Variants in NEDD4 observed in about 807,000 individuals in gnomAD.
The protein encoded by NEDD4 is NEDD4 E3 ubiquitin protein ligase, also known as E3 ubiquitin-protein ligase NEDD4.
Under a neutral mutation model 144.9 loss-of-function variants are expected in NEDD4, and 99 were observed. That is an observed-to-expected ratio of 0.68 (90% CI 0.58 to 0.81). NEDD4 has a LOEUF of 0.81. NEDD4 is among the 30% of genes least tolerant of loss of function. The pLI is 0.00. For synonymous variants in NEDD4, 318 were observed against 350.6 expected, an observed-to-expected ratio of 0.91 and a Z score of 1.04; for missense variants, 985 against 1,065.9, an observed-to-expected ratio of 0.92 and a Z score of 1.06.
Position 55,829,247 on chromosome 15 carries a change from G to A in NEDD4, c.*650C>T, listed in dbSNP as rs2032829139. 1 of 152,138 alleles carries A rather than the reference G, an allele frequency of 6.6e-6. No individual in the cohort carries two copies. The highest frequency in any genetic ancestry group is 2.1e-4 in the South Asian group (1 of 4,826). The allele number at this position is 152,138 out of a possible 1,614,324, so 9.4% of individuals were successfully genotyped here. On this transcript the variant is annotated 3_prime_UTR_variant, in exon 29 of 29. Transcript: ENST00000435532. ...TTAGTAAAACTGCATATTAACAAAA[G>A]CCAAATACTTCGAAAGTGAAGAAGT...
At chr15:55,974,895 T>TTC (rs1282658067) in intron 1 of NEDD4, among the ~76,000 whole-genome samples, 1 of 120,636 alleles carries the variant, frequency 8.3e-6, no homozygotes, top group Non-Finnish European at 1.7e-5. Context: ...TCCTTTCTTT[T>TTC]TTTTTTTTTT....
chr15:55,848,668 C>T (rs2033851472), intron 15 of NEDD4, 93 bp from the exon 16 acceptor site: 11 of 1,270,868 alleles, frequency 8.7e-6, no homozygotes, highest in South Asian at 8.6e-5. Context: ...ATTTAACTTG[C>T]ATATTCCATT....
intron 12 of NEDD4, 78 bp downstream of exon 12, chr15:55,856,051 TCA>T: frequency 7.9e-7 from 1 of 1,265,018 alleles, no homozygotes; most frequent in Non-Finnish European, 1.1e-6. Flanking sequence ...AGGCAAACGT[TCA>T]CACTCAATCT....
intron 5 of NEDD4, among the ~76,000 whole-genome samples, chr15:55,913,474 T>C (rs1297412375): frequency 7.9e-5 from 12 of 152,072 alleles, no homozygotes; most frequent in Non-Finnish European, 1.2e-4. Context: ...ATAAATTAAA[T>C]TTAACTGTCA....
At chr15:55,958,591 C>T (rs2037376179) in intron 2 of NEDD4, among the ~76,000 whole-genome samples, 1 of 151,870 alleles carries the variant, frequency 6.6e-6, no homozygotes, top group Admixed American at 6.6e-5. Flanking sequence ...ATAGCTGCAT[C>T]CAGTGATATC....
chr15:55,865,263 G>A (rs766793732), intron 8 of NEDD4, among the ~76,000 whole-genome samples: 24 of 151,302 alleles, frequency 1.6e-4, no homozygotes, highest in Non-Finnish European at 3.1e-4. Context: ...GAAATCTGTG[G>A]CAAAATACGC....
At chr15:55,864,077 G>C (rs2034501981) in intron 8 of NEDD4, among the ~76,000 whole-genome samples, 1 of 152,158 alleles carries the variant, frequency 6.6e-6, no homozygotes, top group Admixed American at 6.5e-5. Flanking sequence ...TAAAGCCTTA[G>C]GGCAGTTAAA....
At chr15:55,983,813 G>A (rs1267452759) in intron 1 of NEDD4, among the ~76,000 whole-genome samples, 1 of 151,970 alleles carries the variant, frequency 6.6e-6, no homozygotes, top group African/African-American at 2.4e-5. Flanking sequence ...GTTTCACCAT[G>A]TTGGCCAGGC....
intron 1 of NEDD4, among the ~76,000 whole-genome samples, chr15:55,985,129 G>T (rs1010774760): frequency 3.9e-5 from 6 of 152,150 alleles, no homozygotes; most frequent in Non-Finnish European, 8.8e-5. Flanking sequence ...CTATACCCCT[G>T]CTCACCCTAA....
chr15:55,949,376 T>A (rs1429810185), intron 4 of NEDD4, among the ~76,000 whole-genome samples: 3 of 152,192 alleles, frequency 2.0e-5, no homozygotes, highest in African/African-American at 7.2e-5. Context: ...GTTCAACCAT[T>A]GTGGAAGACA....
intron 6 of NEDD4, 62 bp downstream of exon 6, chr15:55,873,892 ATATG>A (rs1250247286): frequency 2.9e-6 from 2 of 697,462 alleles, no homozygotes; most frequent in African/African-American, 3.6e-5. Flanking sequence ...GCTATATTAT[ATATG>A]TAAGTATTTA....
At chr15:55,876,364 T>C (rs2034993176) in intron 5 of NEDD4, among the ~76,000 whole-genome samples, 1 of 151,506 alleles carries the variant, frequency 6.6e-6, no homozygotes, top group Non-Finnish European at 1.5e-5. Context: ...TTTTTTTTTT[T>C]AAGGTACCTT....
chr15:55,944,462 A>G (rs2142284046), intron 4 of NEDD4, among the ~76,000 whole-genome samples: 1 of 152,304 alleles, frequency 6.6e-6, no homozygotes, highest in East Asian at 1.9e-4. Flanking sequence ...CTGAGGCTTG[A>G]GTAGGTAAAC....
In NEDD4 at chr15:55,860,448, T is replaced by C. The variant is rs2142032733; in HGVS notation, c.919A>G (p.Ile307Val). ...TGGCTCACGGCTGAATTTCCAAAAA[T>C]GGTGAGTCTGGCATTCAATTCTTCT... ...LAEELNARLTIFGNSAVSQPA... is the reference protein window; with the variant it reads ...LAEELNARLTVFGNSAVSQPA... Residue 307 changes from isoleucine (I) to valine (V), a missense_variant, in exon 11 of 29, where the codon ATT becomes GTT. Ile to Val is a conservative substitution (Grantham distance 29). Coordinates refer to ENST00000435532, the MANE Select transcript of NEDD4 (RefSeq NM_006154.4). 1.2e-6 allele frequency: 2 copies of C among 1,614,078 alleles called. No homozygotes were observed. Among genetic ancestry groups the C allele is most frequent in the Non-Finnish European group, 1.7e-6 (2 of 1,179,994 alleles).
chr15:55,831,747 C>G (rs1206819267), intron 27 of NEDD4, among the ~76,000 whole-genome samples: 1 of 152,158 alleles, frequency 6.6e-6, no homozygotes, highest in Admixed American at 6.5e-5. Flanking sequence ...ATCATATGGT[C>G]AGCTTCTATT....
In NEDD4 at chr15:55,838,203, GAT is replaced by G. The variant is rs550776704; in HGVS notation, c.2128-25_2128-24del. ...TGTCTAAAATTAAACACAATAACTT[GAT>G]ATGTTATTTTAGCGAGAAAAATTTA... On this transcript the variant is annotated intron_variant, in intron 22 of 28. Transcript: ENST00000435532. 2.4e-4 allele frequency: 362 copies of G among 1,501,760 alleles called. 9 individuals carry two copies. The South Asian group carries it at 4.2e-3, about 17-fold the overall frequency. The allele number at this position is 1,501,760 out of a possible 1,614,324, so 93.0% of individuals were successfully genotyped here.
In NEDD4 at chr15:55,968,140, C is replaced by T. The variant is rs180746072; in HGVS notation, c.46-1594G>A. ...CTATAAATTTAATACTATTCCCATT[C>T]TCCCTTCAAATTTTTTCATGGATCT... On this transcript the variant is annotated intron_variant, in intron 1 of 28. Transcript: ENST00000435532. 9.9e-5 allele frequency among the ~76,000 whole-genome samples: 15 copies of T among 152,178 alleles called. No individual in the cohort carries two copies. In the East Asian group the frequency reaches 2.7e-3, roughly 27 times the overall value.
chr15:55,892,926 C>A (rs1488512248), intron 5 of NEDD4, among the ~76,000 whole-genome samples: 1 of 152,122 alleles, frequency 6.6e-6, no homozygotes, highest in Non-Finnish European at 1.5e-5. Context: ...TAAATTCAGA[C>A]TGACAATCTA....
At chr15:55,905,377 A>G in intron 5 of NEDD4, 1 of 427,574 alleles carries the variant, frequency 2.3e-6, no homozygotes, top group Non-Finnish European at 4.6e-6. Context: ...GTTTCCCAAC[A>G]GTGAAACCCA....
Sources: allele counts gnomAD v4.1 joint callset (sites outside exome capture counted in the v4.1 genomes callset), GRCh38; gene constraint gnomAD v4.1.1; transcripts MANE v1.5; gene names NCBI Gene and HGNC (gene_info 2026-07-23, HGNC 2026-07-21).